CPLANE1: variants seen among roughly 807,000 people sequenced by gnomAD.
The protein encoded by CPLANE1 is ciliogenesis and planar polarity effector 1.
In CPLANE1, 263 loss-of-function variants were observed where a neutral mutation model predicts 362.5. The ratio of observed to expected loss-of-function variants is 0.73; its 90% CI spans 0.66 to 0.80. The LOEUF (loss-of-function observed/expected upper bound fraction) is 0.80, where lower values mean the gene tolerates loss of function less well. CPLANE1 is among the 30% of genes least tolerant of loss of function. CPLANE1 has a pLI of 0.00. For missense variants in CPLANE1, 3,461 were observed against 3,793.4 expected (o/e 0.91, Z 2.30); for synonymous variants, 1,212 against 1,302.6 (o/e 0.93, Z 1.50).
chr5:37,147,465 A>G (rs549469979), intron 43 of CPLANE1, among the ~76,000 whole-genome samples: 1 of 152,356 alleles, frequency 6.6e-6, no homozygotes, highest in South Asian at 2.1e-4. Context: ...GATGATGATG[A>G]GTATCAACAT....
At chr5:37,085,886 C>T in the CPLANE1 span, 3 of 848,176 alleles carry the variant, frequency 3.5e-6, no homozygotes, top group African/African-American at 1.7e-5. Context: ...AATCTTTGTA[C>T]ATAATTAAAA....
In CPLANE1 at chr5:37,226,841, G is replaced by C; in HGVS notation, c.1754C>G (p.Ser585Ter). ...TAAATTTTTTTCTGTCACAGTTTTT[G>C]AAATTCCTATAGTCCACGCTGCAAG... ...SLLAAWTIGISKTVTEKNLML... is the reference protein window; with the variant it reads ...SLLAAWTIGI The change falls in exon 12 of 53, where the codon TCA (serine) becomes TGA (stop). Residue 585 changes from serine to a stop codon, truncating the protein, a stop_gained. Transcript: ENST00000651892. LOFTEE classifies it high-confidence loss of function. 1 of 1,550,636 alleles carries C rather than the reference G, an allele frequency of 6.4e-7. No individual in the cohort carries two copies. The highest frequency in any genetic ancestry group is 8.7e-7 in the Non-Finnish European group (1 of 1,146,744).
intron 12 of CPLANE1, among the ~76,000 whole-genome samples, chr5:37,225,495 G>C (rs968256907): frequency 2.2e-4 from 33 of 152,084 alleles, no homozygotes; most frequent in African/African-American, 8.0e-4. Context: ...GCCTCCCAAA[G>C]TGCTCGATCA....
chr5:37,141,967 A>C, intron 44 of CPLANE1: 1 of 543,546 alleles, frequency 1.8e-6, no homozygotes, highest in South Asian at 8.0e-5. Flanking sequence ...AATGATGGCT[A>C]CTATTTTGTT....
Position 37,107,747 on chromosome 5 carries a change from T to C in CPLANE1, c.9611A>G (p.Glu3204Gly), listed in dbSNP as rs1380367906. The change falls in exon 53 of 53, where the codon GAG (glutamate) becomes GGG (glycine). Residue 3204 changes from glutamate to glycine, a missense_variant. Physicochemically the swap from Glu to Gly is moderately conservative, Grantham distance 98. Transcript: ENST00000651892. ...DLSPTEEEEP[E>G]HPFGVGGVDS... ...CACACCGCCCACCCCAAAAGGATGC[T>C]CTGGCTCTTCCTCTTCAGTTGGAGA... 1 of 1,611,538 alleles carries C rather than the reference T, an allele frequency of 6.2e-7. No individual in the cohort carries two copies. The highest frequency in any genetic ancestry group is 8.5e-7 in the Non-Finnish European group (1 of 1,178,808).
At chr5:37,171,907 C>T (rs1334668692) in intron 32 of CPLANE1, among the ~76,000 whole-genome samples, 1 of 152,104 alleles carries the variant, frequency 6.6e-6, no homozygotes, top group Non-Finnish European at 1.5e-5. Context: ...CAACCTCAGC[C>T]TGCCGAGTAG....
chr5:37,237,213 G>T (rs960881019), intron 8 of CPLANE1, among the ~76,000 whole-genome samples: 3 of 152,148 alleles, frequency 2.0e-5, no homozygotes, highest in Admixed American at 2.0e-4. Context: ...CAAAGGATTG[G>T]ATAAAGAAAA....
At chr5:37,094,440 T>C in the CPLANE1 span, among the ~76,000 whole-genome samples, 1 of 152,142 alleles carries the variant, frequency 6.6e-6, no homozygotes, top group Non-Finnish European at 1.5e-5. Flanking sequence ...AAGGCAGTGC[T>C]AAGAGGAAAG....
At chr5:37,176,199 C>A in intron 30 of CPLANE1, 1 of 428,460 alleles carries the variant, frequency 2.3e-6, no homozygotes, top group South Asian at 4.6e-5. Context: ...TGACTTAAAA[C>A]ACCACTTAAA....
chr5:37,098,336 A>T, the CPLANE1 span, among the ~76,000 whole-genome samples: 1 of 137,914 alleles, frequency 7.3e-6, no homozygotes, highest in Admixed American at 7.9e-5. Context: ...GGTTGCAGTG[A>T]GCCGATATCA....
intron 47 of CPLANE1, among the ~76,000 whole-genome samples, chr5:37,124,527 A>G (rs1443911629): frequency 1.3e-5 from 2 of 152,100 alleles, no homozygotes; most frequent in African/African-American, 4.8e-5. Flanking sequence ...TTATGAACAG[A>G]AAATTGAAGG....
Position 37,173,934 on chromosome 5 carries a change from T to C in CPLANE1, c.5992A>G (p.Thr1998Ala). 1 of 1,613,918 alleles carries C rather than the reference T, an allele frequency of 6.2e-7. No individual in the cohort carries two copies. The highest frequency in any genetic ancestry group is 8.5e-7 in the Non-Finnish European group (1 of 1,179,856). Residue 1998 changes from threonine (T) to alanine (A), a missense_variant, in exon 32 of 53, where the codon ACA (threonine) becomes GCA (alanine). Around this residue, in one of 2 missense-constraint regions of CPLANE1, gnomAD observed 3,380 missense variants for 3,666.1 expected, o/e 0.92. Transcript: ENST00000651892. ...ACTGAGGAAGATTTTTCTTTATATG[T>C]AGAAATCTGTGCACTGCGTGGAAAG... ...SSEISSAQISTYKEKSSSVPL... is the reference protein window; with the variant it reads ...SSEISSAQISAYKEKSSSVPL...
intron 6 of CPLANE1, among the ~76,000 whole-genome samples, chr5:37,242,279 A>G (rs10052880): frequency 0.2 from 31,042 of 151,748 alleles, 4,567 homozygotes; most frequent in African/African-American, 0.42. Context: ...ACTTGAACCC[A>G]GGAGGCGGAG....
chr5:37,198,923 T>A, intron 19 of CPLANE1, 57 bp from the exon 20 acceptor site: 1 of 1,519,188 alleles, frequency 6.6e-7, no homozygotes, highest in Non-Finnish European at 9.0e-7. Flanking sequence ...TTTAGAATGT[T>A]AAAATGAAAA....
intron 47 of CPLANE1, among the ~76,000 whole-genome samples, chr5:37,124,283 GTAATC>G (rs1186884871): frequency 9.4e-6 from 1 of 106,522 alleles, no homozygotes; most frequent in Admixed American, 9.5e-5. Flanking sequence ...AATCTAAACT[GTAATC>G]TAAATGTAAT....
At chr5:37,120,090 G>A (rs1012823634) in intron 50 of CPLANE1, 126 bp downstream of exon 50, 32 of 908,222 alleles carry the variant, frequency 3.5e-5, no homozygotes, top group Admixed American at 6.3e-5. Context: ...TCAATGCCTC[G>A]CCTTCTGTTC....
At chr5:37,189,722 G>A (rs1784961321) in intron 21 of CPLANE1, among the ~76,000 whole-genome samples, 1 of 152,168 alleles carries the variant, frequency 6.6e-6, no homozygotes, top group Admixed American at 6.5e-5. Context: ...ATTGCAGCCG[G>A]GCACAGTGGC....
chr5:37,190,608 T>A (rs557083205), intron 21 of CPLANE1, among the ~76,000 whole-genome samples: 11 of 152,164 alleles, frequency 7.2e-5, no homozygotes, highest in East Asian at 1.9e-4. Flanking sequence ...TAGATTTTTT[T>A]AAAAAAACTA....
intron 1 of CPLANE1, 32 bp from the exon 2 acceptor site, chr5:37,247,777 G>T: frequency 7.2e-7 from 1 of 1,390,948 alleles, no homozygotes; most frequent in Non-Finnish European, 9.6e-7. Flanking sequence ...AAATATAAAT[G>T]ATGCATAATA....
Sources: gnomAD v4.1 joint callset for allele counts (sites outside exome capture counted in the v4.1 genomes callset) on GRCh38, gnomAD v4.1.1 for gene constraint, gnomAD v4.1.1 regional missense constraint, MANE v1.5 for transcripts, NCBI Gene and HGNC (gene_info 2026-07-23, HGNC 2026-07-21) for gene names.